The following FMN2 variants were observed in gnomAD, a reference collection of about 807,000 sequenced individuals.
FMN2 encodes formin 2.
A neutral mutation model predicts 142.3 loss-of-function variants in FMN2; 51 were observed. The ratio of observed to expected loss-of-function variants is 0.36; its 90% CI spans 0.29 to 0.45. FMN2 has a LOEUF of 0.45. FMN2 is among the 20% of genes least tolerant of loss of function. The pLI is 1.00. For synonymous variants in FMN2, 882 were observed against 869.8 expected (o/e 1.01, Z -0.25); for missense variants, 1,936 against 2,122.8 (o/e 0.91, Z 1.73).
chr1:240,153,775 C>A (rs972645884), intron 2 of FMN2, among the ~76,000 whole-genome samples: 2 of 152,062 alleles, frequency 1.3e-5, no homozygotes, highest in Non-Finnish European at 2.9e-5. Flanking sequence ...ATTTCATGAA[C>A]TTTTTGTTGG....
intron 15 of FMN2, among the ~76,000 whole-genome samples, chr1:240,424,685 G>A (rs1161294880): frequency 6.6e-6 from 1 of 152,192 alleles, no homozygotes; most frequent in African/African-American, 2.4e-5. Flanking sequence ...GCTCACAGGT[G>A]TCTGATTGGG....
chr1:240,148,313 C>CAG (rs71170705), intron 2 of FMN2, among the ~76,000 whole-genome samples: 85,170 of 147,562 alleles, frequency 0.58, 24,206 homozygotes, highest in South Asian at 0.7. Context: ...GAGAGAGAGA[C>CAG]AGACAGAAAC....
intron 6 of FMN2, among the ~76,000 whole-genome samples, chr1:240,228,251 C>T (rs1164135143): frequency 3.8e-5 from 5 of 131,434 alleles, no homozygotes; most frequent in Non-Finnish European, 7.7e-5. Context: ...TGTGGTGAGC[C>T]GAGACTGTGC....
Position 240,230,091 on chromosome 1 carries a change from G to T in FMN2, c.4065+18856G>T, listed in dbSNP as rs1667486728. Among the ~76,000 whole-genome samples the T allele has an allele frequency of 1.5e-5, 2 of 131,336 alleles. 1 individual carries two copies. Among genetic ancestry groups the T allele is most frequent in the South Asian group, 4.8e-4 (2 of 4,204 alleles). The allele number at this position is 131,336 out of a possible 152,430, so 86.2% of individuals were successfully genotyped here. A position where few individuals can be genotyped will look rare whatever the true frequency, so the allele number is the denominator to read the frequency against. ...AGCCTTTTGGGAGGCTGAGGTGGCA[G>T]GATCACTTGAACCCAGAAGTTTGAG... is the stretch of plus-strand genomic sequence containing the variant. On this transcript the variant is annotated intron_variant, in intron 6 of 17. Transcript: ENST00000319653.
At chr1:240,281,172 A>T (rs1392392067) in intron 7 of FMN2, among the ~76,000 whole-genome samples, 1 of 152,118 alleles carries the variant, frequency 6.6e-6, no homozygotes, top group African/African-American at 2.4e-5. Flanking sequence ...TATGCTTGAG[A>T]TGTACCAGTG....
intron 16 of FMN2, among the ~76,000 whole-genome samples, chr1:240,441,052 T>C (rs1244776777): frequency 6.8e-6 from 1 of 147,868 alleles, no homozygotes; most frequent in Admixed American, 7.0e-5. Context: ...TGGAGTGCGG[T>C]GGCGCGATCT....
intron 15 of FMN2, among the ~76,000 whole-genome samples, chr1:240,399,671 T>C (rs532569152): frequency 9.8e-5 from 15 of 152,290 alleles, no homozygotes; most frequent in African/African-American, 3.6e-4. Flanking sequence ...AGACTAACAA[T>C]GCAGATAAGA....
chr1:240,261,057 G>T (rs907660584), intron 7 of FMN2, among the ~76,000 whole-genome samples: 4 of 152,104 alleles, frequency 2.6e-5, no homozygotes, highest in Non-Finnish European at 5.9e-5. Flanking sequence ...AGATCAGTTG[G>T]CTGTAAGTAT....
chr1:240,461,745 G>A (rs1267648602), intron 16 of FMN2, among the ~76,000 whole-genome samples: 13 of 152,056 alleles, frequency 8.5e-5, no homozygotes, highest in South Asian at 2.1e-4. Flanking sequence ...TTCTTCTATC[G>A]CGTGACCTCA....
chr1:240,245,311 C>T (rs1668040659), intron 6 of FMN2: 2 of 360,484 alleles, frequency 5.5e-6, no homozygotes, highest in South Asian at 2.1e-5. Flanking sequence ...GGGCTGAGAG[C>T]AGGACTGAGA....
intron 14 of FMN2, 42 bp downstream of exon 14, chr1:240,355,950 GCAAAAAAAAAAAAAAAAAAAA>G: frequency 1.7e-4 from 15 of 86,134 alleles, no homozygotes; most frequent in South Asian, 5.3e-4. Flanking sequence ...TCCCCTTTCA[GCAAAAAAAAAAAAAAAAAAAA>G]AAAAAAAAAA....
chr1:240,340,512 C>T (rs1572210628), intron 13 of FMN2, among the ~76,000 whole-genome samples: 1 of 152,116 alleles, frequency 6.6e-6, no homozygotes, highest in South Asian at 2.1e-4. Flanking sequence ...ACCTGGAAGG[C>T]AGAGTTTGCA....
At chr1:240,192,649 G>A (rs1665745236) in intron 4 of FMN2, among the ~76,000 whole-genome samples, 1 of 152,100 alleles carries the variant, frequency 6.6e-6, no homozygotes, top group African/African-American at 2.4e-5. Context: ...CTTCCTCAGT[G>A]TCTAATCATT....
chr1:240,473,225 G>A lies in FMN2; in HGVS notation c.5142+772G>A, dbSNP rs897134858. On this transcript the variant is annotated intron_variant, in intron 17 of 17. Transcript: ENST00000319653. This position sits in a 1 kb window ranked among gnomAD's most constrained non-coding sequence, Gnocchi z 4.3. Reference sequence around the variant, plus strand: ...TATCCACAGATGGCTCGGCAGAGTTGGCTGCCGGAGAGTGGTCAGTCCAGA... The same window carrying A: ...TATCCACAGATGGCTCGGCAGAGTTAGCTGCCGGAGAGTGGTCAGTCCAGA... Among the ~76,000 whole-genome samples the A allele has an allele frequency of 1.2e-4, 18 of 152,158 alleles. No individual in the cohort carries two copies. The highest frequency in any genetic ancestry group is 4.3e-4 in the African/African-American group (18 of 41,428).
At chr1:240,360,234 C>T (rs149938619) in intron 14 of FMN2, among the ~76,000 whole-genome samples, 4 of 152,194 alleles carry the variant, frequency 2.6e-5, no homozygotes, top group South Asian at 2.1e-4. Flanking sequence ...TTCCATTTAC[C>T]GATGACTCTA....
Position 240,361,007 on chromosome 1 carries a change from A to G in FMN2, c.4858+5099A>G, listed in dbSNP as rs902836975. Among the ~76,000 whole-genome samples, 4 of 151,562 alleles carry G rather than the reference A, an allele frequency of 2.6e-5. 1 individual carries two copies. The South Asian group carries it at 8.4e-4, about 32-fold the overall frequency. On this transcript the variant is annotated intron_variant, in intron 14 of 17. Transcript: ENST00000319653. ...GAGGGGGGAGGGATAGCATTAGGAG[A>G]TATACCTTATGTAAATGACAAGTTA... is the stretch of plus-strand genomic sequence containing the variant.
chr1:240,145,465 G>T, intron 2 of FMN2: 2 of 253,158 alleles, frequency 7.9e-6, no homozygotes, highest in Admixed American at 5.5e-5. Context: ...TTTTTCTTTA[G>T]TATTGTATTT....
chr1:240,439,236 G>A (rs1675514742), intron 16 of FMN2, among the ~76,000 whole-genome samples: 1 of 132,000 alleles, frequency 7.6e-6, no homozygotes, highest in Non-Finnish European at 1.5e-5. Context: ...TCATGCCACT[G>A]AACTTCAGCC....
intron 16 of FMN2, among the ~76,000 whole-genome samples, chr1:240,451,203 TA>T (rs1572329420): frequency 6.6e-6 from 1 of 151,962 alleles, no homozygotes; most frequent in Non-Finnish European, 1.5e-5. Context: ...CTGTCTCTAC[TA>T]AAAATACAAA....
Sources: gnomAD v4.1 joint callset for allele counts (sites outside exome capture counted in the v4.1 genomes callset) on GRCh38, gnomAD v4.1.1 for gene constraint, Gnocchi (gnomAD v3.1) non-coding constraint, MANE v1.5 for transcripts, NCBI Gene and HGNC (gene_info 2026-07-23, HGNC 2026-07-21) for gene names.